FTCDNL1: variants seen among roughly 807,000 people sequenced by gnomAD.
FTCDNL1 encodes the protein formiminotransferase N-terminal subdomain-containing protein.
FTCDNL1 carries 11 observed loss-of-function variants against 5.9 expected under a neutral mutation model. That is an observed-to-expected ratio of 1.87 (90% confidence interval 1.18 to 3.10). The LOEUF is 3.10. Ranked by LOEUF, FTCDNL1 falls within the 30% of genes most tolerant of loss-of-function variation. FTCDNL1 has a pLI of 0.00. For missense variants in FTCDNL1, 115 were observed against 65.5 expected (o/e 1.76, Z -2.61); for synonymous variants, 58 against 24.8 (o/e 2.34, Z -3.99).
chr2:199,778,424 G>C (rs558911315), intron 3 of FTCDNL1, among the ~76,000 whole-genome samples: 3 of 152,270 alleles, frequency 2.0e-5, no homozygotes, highest in African/African-American at 7.2e-5. Flanking sequence ...ATTTTGCAGA[G>C]AACACATTCC....
intron 3 of FTCDNL1, among the ~76,000 whole-genome samples, chr2:199,791,854 A>C (rs1322311495): frequency 6.6e-6 from 1 of 152,162 alleles, no homozygotes; most frequent in Non-Finnish European, 1.5e-5. Context: ...ATGTATATGC[A>C]TATGTGTATA....
At chr2:199,672,375 G>A in the FTCDNL1 span, among the ~76,000 whole-genome samples, 1 of 152,284 alleles carries the variant, frequency 6.6e-6, no homozygotes, top group East Asian at 1.9e-4. Context: ...GTTTTAACAT[G>A]TTTTGAAAAG....
the FTCDNL1 span, among the ~76,000 whole-genome samples, chr2:199,732,771 G>A: frequency 1.6e-3 from 248 of 152,222 alleles, no homozygotes; most frequent in Non-Finnish European, 2.3e-3. Context: ...CTAACCCATC[G>A]AACCCATGAT....
the FTCDNL1 span, among the ~76,000 whole-genome samples, chr2:199,735,212 G>T: frequency 6.6e-6 from 1 of 151,662 alleles, no homozygotes; most frequent in East Asian, 1.9e-4. Flanking sequence ...TCTATGAAAG[G>T]CTCAATTTGT....
At chr2:199,824,531 C>T (rs112208304) in intron 3 of FTCDNL1, among the ~76,000 whole-genome samples, 44 of 152,196 alleles carry the variant, frequency 2.9e-4, no homozygotes, top group Non-Finnish European at 4.4e-4. Flanking sequence ...AGAGGCCTAG[C>T]TATTGACCTA....
the FTCDNL1 span, among the ~76,000 whole-genome samples, chr2:199,732,907 T>A: frequency 9.2e-5 from 14 of 152,214 alleles, no homozygotes; most frequent in Non-Finnish European, 1.5e-4. Flanking sequence ...TAATAATAAT[T>A]CTTTTTTTAT....
At chr2:199,829,385 T>C (rs1702229494) in intron 3 of FTCDNL1, among the ~76,000 whole-genome samples, 1 of 152,218 alleles carries the variant, frequency 6.6e-6, no homozygotes, top group Non-Finnish European at 1.5e-5. Context: ...CATTTCTAAA[T>C]ATGAATATCT....
chr2:199,716,343 G>T, the FTCDNL1 span, among the ~76,000 whole-genome samples: 2 of 152,122 alleles, frequency 1.3e-5, no homozygotes, highest in Non-Finnish European at 2.9e-5. Flanking sequence ...TGATGAGCCC[G>T]AAGCTTTAGA....
At chr2:199,841,752 G>GCCAT (rs1168224813) in intron 3 of FTCDNL1, among the ~76,000 whole-genome samples, 1 of 152,052 alleles carries the variant, frequency 6.6e-6, no homozygotes, top group Non-Finnish European at 1.5e-5. Flanking sequence ...TCCCTCACCA[G>GCCAT]CAACAGCCCA....
the FTCDNL1 span, among the ~76,000 whole-genome samples, chr2:199,696,313 T>G: frequency 1.3e-5 from 2 of 152,212 alleles, no homozygotes; most frequent in Admixed American, 1.3e-4. Flanking sequence ...ACTGTTGCTC[T>G]GCTGCAGCCA....
the FTCDNL1 span, among the ~76,000 whole-genome samples, chr2:199,673,327 CAAAAAAAAAA>C: frequency 5.4e-4 from 38 of 69,764 alleles, 1 homozygote; most frequent in East Asian, 0.013. Flanking sequence ...GACTCTGTCT[CAAAAAAAAAA>C]AAAAAAAAAA....
the FTCDNL1 span, among the ~76,000 whole-genome samples, chr2:199,703,011 G>GGTTTGTTT: frequency 0.01 from 1,527 of 150,612 alleles, 8 homozygotes; most frequent in Non-Finnish European, 0.016. Context: ...AAGGACTCTG[G>GGTTTGTTT]GTTTGTTTGT....
downstream of FTCDNL1, among the ~76,000 whole-genome samples, chr2:199,807,511 C>T (rs1181724702): frequency 6.6e-6 from 1 of 152,040 alleles, no homozygotes; most frequent in Non-Finnish European, 1.5e-5. Context: ...ATGATGTGCA[C>T]CTGTAATCCC....
chr2:199,783,496 T>C (rs12473679), intron 3 of FTCDNL1, among the ~76,000 whole-genome samples: 68,622 of 152,096 alleles, frequency 0.45, 17,674 homozygotes, highest in Non-Finnish European at 0.56. Context: ...TGGGCCATCA[T>C]TATCTCCAAG....
intron 2 of FTCDNL1, 23 bp from the exon 3 acceptor site, chr2:199,846,193 G>A (rs888902702): frequency 3.0e-6 from 2 of 666,490 alleles, no homozygotes; most frequent in Non-Finnish European, 5.4e-6. Flanking sequence ...CAAGACAGAA[G>A]TGCAAGAATT....
chr2:199,740,866 C>CT, the FTCDNL1 span, among the ~76,000 whole-genome samples: 1 of 152,136 alleles, frequency 6.6e-6, no homozygotes, highest in East Asian at 1.9e-4. Flanking sequence ...GCACATGCCC[C>CT]TTTTCATGCT....
the FTCDNL1 span, among the ~76,000 whole-genome samples, chr2:199,753,262 A>C: frequency 6.6e-6 from 1 of 152,206 alleles, no homozygotes; most frequent in Non-Finnish European, 1.5e-5. Flanking sequence ...AAGCTGAAAA[A>C]CAAATAGGAG....
intron 3 of FTCDNL1, among the ~76,000 whole-genome samples, chr2:199,837,111 G>A (rs1013108592): frequency 2.6e-5 from 4 of 152,276 alleles, no homozygotes; most frequent in African/African-American, 9.6e-5. Context: ...TTCTTCATTA[G>A]TACCTCTGTT....
At position 199,848,950 on chromosome 2, in the gene FTCDNL1, TG is replaced by T; in HGVS notation, c.12del (p.Arg5GlufsTer11). ...CAGGCAGCCAAACGGAGCCCCACTC[TG>T]GAAGAAGACATGATTTTTCTGGAAT... MSSSRVGLRLAACL... is the reference protein window; with the variant it reads MSSXRVGLRLAACL... On this transcript the variant is annotated frameshift_variant, in exon 2 of 5. Coordinates refer to ENST00000420128, the MANE Select transcript of FTCDNL1 (RefSeq NM_001363886.2). LOFTEE classifies it high-confidence loss of function. The T allele has an allele frequency of 1.4e-6, 1 of 701,990 alleles. No individual in the cohort carries two copies. The highest frequency in any genetic ancestry group is 2.6e-6 in the Non-Finnish European group (1 of 384,706). 43.5% of individuals were successfully genotyped at this position (701,990 alleles called of 1,614,324 possible). A position where few individuals can be genotyped will look rare whatever the true frequency, so the allele number is the denominator to read the frequency against.
Sources: allele counts gnomAD v4.1 joint callset (sites outside exome capture counted in the v4.1 genomes callset), GRCh38; gene constraint gnomAD v4.1.1; transcripts MANE v1.5; gene names NCBI Gene and HGNC (gene_info 2026-07-23, HGNC 2026-07-21).